The following RIT2 variants were observed in gnomAD, a reference collection of about 807,000 sequenced individuals.
RIT2 encodes the protein Ras like without CAAX 2.
RIT2 carries 24 observed loss-of-function variants against 23.7 expected under a neutral mutation model. The ratio of observed to expected loss-of-function variants is 1.01; its 90% CI spans 0.73 to 1.43. The LOEUF is 1.43. RIT2 is among the 40% of genes most tolerant of loss of function. The pLI is 0.00. For missense variants in RIT2, 236 were observed against 266.9 expected (o/e 0.88, Z 0.81); for synonymous variants, 107 against 91.1 (o/e 1.17, Z -0.99).
intron 4 of RIT2, among the ~76,000 whole-genome samples, chr18:42,766,128 G>C (rs549424863): frequency 6.6e-6 from 1 of 152,152 alleles, no homozygotes; most frequent in Non-Finnish European, 1.5e-5. Flanking sequence ...GTGGTGTGTT[G>C]CTGAAAAGAC....
chr18:42,773,244 A>G (rs1030374432), intron 4 of RIT2, among the ~76,000 whole-genome samples: 8 of 152,164 alleles, frequency 5.3e-5, no homozygotes, highest in Non-Finnish European at 1.2e-4. Flanking sequence ...GACATCTCTG[A>G]CTCTCTGAGA....
At chr18:42,930,909 C>T (rs1395928145) in intron 3 of RIT2, among the ~76,000 whole-genome samples, 1 of 152,032 alleles carries the variant, frequency 6.6e-6, no homozygotes, top group Non-Finnish European at 1.5e-5. Context: ...TGGAGCTTTG[C>T]CTCCGTTTGA....
chr18:43,043,748 G>A (rs1912182682), intron 1 of RIT2, among the ~76,000 whole-genome samples: 1 of 152,018 alleles, frequency 6.6e-6, no homozygotes, highest in Non-Finnish European at 1.5e-5. Context: ...TGAGATAGCT[G>A]AGATAGTGCC....
chr18:42,983,064 G>A (rs10438916), intron 2 of RIT2, among the ~76,000 whole-genome samples: 145,948 of 152,128 alleles, frequency 0.96, 70,275 homozygotes, highest in East Asian at 1. Flanking sequence ...ATTTTGAAAA[G>A]GAAAAATAAA....
At chr18:43,110,883 ATGT>A (rs1261175215) in intron 1 of RIT2, among the ~76,000 whole-genome samples, 1 of 152,166 alleles carries the variant, frequency 6.6e-6, no homozygotes, top group Non-Finnish European at 1.5e-5. Context: ...ATACAATATG[ATGT>A]TGTGGGATAC....
chr18:42,834,728 C>A (rs543936187), intron 4 of RIT2, among the ~76,000 whole-genome samples: 12 of 152,048 alleles, frequency 7.9e-5, no homozygotes, highest in Non-Finnish European at 1.5e-4. Flanking sequence ...TTTAAACATG[C>A]AAGTATACAG....
intron 4 of RIT2, among the ~76,000 whole-genome samples, chr18:42,872,225 C>T (rs977666314): frequency 6.6e-6 from 1 of 152,106 alleles, no homozygotes; most frequent in East Asian, 1.9e-4. Context: ...TGAAGAAAAT[C>T]GATTGGCTGA....
At chr18:42,908,035 T>A (rs1908668960) in intron 4 of RIT2, among the ~76,000 whole-genome samples, 1 of 149,436 alleles carries the variant, frequency 6.7e-6, no homozygotes, top group South Asian at 2.1e-4. Context: ...GTAAAACAAA[T>A]TTAAAAGACA....
intron 3 of RIT2, among the ~76,000 whole-genome samples, chr18:42,957,173 G>A (rs1273733950): frequency 6.6e-6 from 1 of 152,040 alleles, no homozygotes; most frequent in Non-Finnish European, 1.5e-5. Context: ...TTGATGGTGA[G>A]CCAACACACC....
rs565214618 is a variant in RIT2, at chr18:42,908,982, C to A, written c.426+14590G>T. On this transcript the variant is annotated intron_variant, in intron 4 of 4. Coordinates refer to ENST00000326695, the MANE Select transcript of RIT2 (RefSeq NM_002930.4). ...AGGAATCCCACTATTGAGTATCTATCCAAAGGAAAAGAAGTCGTTGTATGA... is the reference window on the plus strand; with the variant it reads ...AGGAATCCCACTATTGAGTATCTATACAAAGGAAAAGAAGTCGTTGTATGA... Among the ~76,000 whole-genome samples, 255 of 152,150 alleles carry A rather than the reference C, an allele frequency of 1.7e-3. 1 individual carries two copies. Among genetic ancestry groups the A allele is most frequent in the Non-Finnish European group, 2.5e-3 (168 of 67,996 alleles).
chr18:43,065,764 A>G (rs921702868), intron 1 of RIT2, among the ~76,000 whole-genome samples: 8 of 150,392 alleles, frequency 5.3e-5, no homozygotes, highest in African/African-American at 1.9e-4. Flanking sequence ...TTATGTGATC[A>G]TGGAAGGTTT....
At chr18:42,823,328 A>C (rs1414095922) in intron 4 of RIT2, among the ~76,000 whole-genome samples, 1 of 152,146 alleles carries the variant, frequency 6.6e-6, no homozygotes, top group African/African-American at 2.4e-5. Flanking sequence ...GCCAATCCCT[A>C]ACTGATTATT....
chr18:42,997,545 T>C (rs1230611565), intron 2 of RIT2, among the ~76,000 whole-genome samples: 1 of 151,642 alleles, frequency 6.6e-6, no homozygotes, highest in Non-Finnish European at 1.5e-5. Context: ...GTTCACCTTG[T>C]TTCATATTTT....
At chr18:42,796,614 T>G (rs1905370293) in intron 4 of RIT2, among the ~76,000 whole-genome samples, 1 of 152,230 alleles carries the variant, frequency 6.6e-6, no homozygotes, top group Non-Finnish European at 1.5e-5. Context: ...TGTTAGTGAT[T>G]TTCCATCCAC....
intron 4 of RIT2, among the ~76,000 whole-genome samples, chr18:42,860,283 G>T (rs184238418): frequency 1.5e-3 from 231 of 152,256 alleles, no homozygotes; most frequent in African/African-American, 5.0e-3. Flanking sequence ...ATGTTTCTAA[G>T]ACAGTTGTTT....
chr18:42,762,478 TAACA>T (rs1034313915), intron 4 of RIT2, among the ~76,000 whole-genome samples: 1 of 152,152 alleles, frequency 6.6e-6, no homozygotes, highest in African/African-American at 2.4e-5. Flanking sequence ...CATTACATTC[TAACA>T]AAAAGGATGC....
chr18:42,878,258 G>A (rs1907796523), intron 4 of RIT2, among the ~76,000 whole-genome samples: 1 of 151,268 alleles, frequency 6.6e-6, no homozygotes, highest in South Asian at 2.1e-4. Flanking sequence ...CTTGTTAATA[G>A]CATAGTTGAT....
At chr18:43,071,010 A>C (rs1465819167) in intron 1 of RIT2, among the ~76,000 whole-genome samples, 1 of 152,216 alleles carries the variant, frequency 6.6e-6, no homozygotes, top group African/African-American at 2.4e-5. Context: ...TAGGAACAAA[A>C]AAAGAACATT....
chr18:42,954,257 A>C (rs1356320311), intron 3 of RIT2, among the ~76,000 whole-genome samples: 1 of 151,548 alleles, frequency 6.6e-6, no homozygotes, highest in African/African-American at 2.4e-5. Flanking sequence ...AGCACCTGTA[A>C]TCCCGGCTAC....
Sources: allele counts gnomAD v4.1 joint callset (sites outside exome capture counted in the v4.1 genomes callset), GRCh38; gene constraint gnomAD v4.1.1; transcripts MANE v1.5; gene names NCBI Gene and HGNC (gene_info 2026-07-23, HGNC 2026-07-21).